TUBA1A: variants seen among roughly 807,000 people sequenced by gnomAD.
The protein encoded by TUBA1A is tubulin alpha 1a, also known as tubulin alpha-1A chain.
TUBA1A carries 7 observed loss-of-function variants against 34.6 expected under a neutral mutation model. The ratio of observed to expected loss-of-function variants is 0.20; its 90% CI spans 0.11 to 0.38. The LOEUF (loss-of-function observed/expected upper bound fraction) is 0.38. Ranked by LOEUF, TUBA1A falls within the 10% of genes least tolerant of loss-of-function variation. TUBA1A has a pLI of 1.00. For synonymous variants in TUBA1A, 193 were observed against 210.2 expected, an observed-to-expected ratio of 0.92 and a Z score of 0.71; for missense variants, 19 against 581.3, an observed-to-expected ratio of 0.03 and a Z score of 9.95.
chr12:49,185,598 C>T lies in TUBA1A; in HGVS notation c.768G>A (p.Gln256=). ...TGCGGGGATAGGGCACCAGGTTGGT[C>T]TGGAATTCTGTCAGGTCAACATTCA... ...GALNVDLTEF[Q]TNLVPYPRIH... Residue 256 remains glutamine, a synonymous_variant, in exon 4 of 4, where the codon CAG becomes CAA. Coordinates refer to ENST00000301071, the MANE Select transcript of TUBA1A (RefSeq NM_006009.4). 2 of 1,614,050 alleles carry T rather than the reference C, an allele frequency of 1.2e-6. No individual in the cohort carries two copies. Among genetic ancestry groups the T allele is most frequent in the Middle Eastern group, 1.6e-4 (1 of 6,062 alleles).
rs1942177515 is a variant in TUBA1A, at chr12:49,186,117, A to T, written c.376-127T>A. On this transcript the variant is annotated intron_variant, in intron 3 of 3. Coordinates refer to ENST00000301071, the MANE Select transcript of TUBA1A (RefSeq NM_006009.4). This position sits in a 1 kb window ranked among gnomAD's most constrained non-coding sequence, Gnocchi z 6.6. ...GATCTTATTTTGACAAATGCTTTTT[A>T]AAAAATTCTCATTAACATTTACAAA... is the stretch of plus-strand genomic sequence containing the variant. 2.0e-6 allele frequency: 3 copies of T among 1,519,576 alleles called. No homozygotes were observed. Among genetic ancestry groups the T allele is most frequent in the Non-Finnish European group, 2.7e-6 (3 of 1,130,602 alleles). The allele number at this position is 1,519,576 out of a possible 1,614,324, so 94.1% of individuals were successfully genotyped here.
Position 49,185,445 on chromosome 12 carries a change from A to G in TUBA1A, c.921T>C (p.Pro307=). The G allele has an allele frequency of 6.2e-7, 1 of 1,613,954 alleles. No individual in the cohort carries two copies. Among genetic ancestry groups the G allele is most frequent in the Non-Finnish European group, 8.5e-7 (1 of 1,179,946 alleles). The part of the protein sequence containing the change: ...EPANQMVKCD[P]RHGKYMACCL... ...AGCAAGCCATGTATTTACCATGGCGAGGGTCACATTTCACCATCTGGTTGG... is the reference window on the plus strand; with the variant it reads ...AGCAAGCCATGTATTTACCATGGCGGGGGTCACATTTCACCATCTGGTTGG... The change falls in exon 4 of 4, where the codon CCT becomes CCC. Residue 307 remains proline, a synonymous_variant. Transcript: ENST00000301071.
At chr12:49,187,058 T>G (rs1373143074) in intron 1 of TUBA1A, 29 of 1,421,548 alleles carry the variant, frequency 2.0e-5, no homozygotes, top group Non-Finnish European at 2.6e-5. Context: ...CAGCACGTGG[T>G]ACCAGCCCAT....
At position 49,188,548 on chromosome 12, in the gene TUBA1A, G is replaced by A; in HGVS notation, c.3+429C>T. 3.3e-6 allele frequency: 5 copies of A among 1,494,560 alleles called. No individual in the cohort carries two copies. The South Asian group carries it at 3.8e-5, about 11-fold the overall frequency. The allele number at this position is 1,494,560 out of a possible 1,614,324, so 92.6% of individuals were successfully genotyped here. On this transcript the variant is annotated intron_variant, in intron 1 of 3. Transcript: ENST00000301071. The surrounding 1 kb of genome is among the most constrained non-coding windows in gnomAD (Gnocchi z 4.9). ...GTCCCCCAGCTCGCCCAACGCCCCC[G>A]CTCTTTTTGGGTGCCTCCTCCTCTC...
rs1942211953 is a variant in TUBA1A at position 49,188,522 on chromosome 12, CGTCCCCCAG to C, written c.3+446_3+454del. On this transcript the variant is annotated intron_variant, in intron 1 of 3. Transcript: ENST00000301071. The surrounding 1 kb of genome is among the most constrained non-coding windows in gnomAD (Gnocchi z 4.9). ...CGCTTTGTTCCCGTTCCCCCTCCCA[CGTCCCCCAG>C]CTCGCCCAACGCCCCCGCTCTTTTT... 1 of 1,514,206 alleles carries C rather than the reference CGTCCCCCAG, an allele frequency of 6.6e-7. No individual in the cohort carries two copies. Among genetic ancestry groups the C allele is most frequent in the Non-Finnish European group, 8.8e-7 (1 of 1,132,150 alleles). The allele number at this position is 1,514,206 out of a possible 1,614,324, so 93.8% of individuals were successfully genotyped here.
chr12:49,185,547 G>A lies in TUBA1A; in HGVS notation c.819C>T (p.Ala273=), dbSNP rs140795162. Residue 273 remains alanine, a synonymous_variant, in exon 4 of 4, where the codon GCC becomes GCT. Coordinates refer to ENST00000301071, the MANE Select transcript of TUBA1A (RefSeq NM_006009.4). ...PRIHFPLATY[A]PVISAEKAYH... is the part of the protein sequence containing the mutation. ...AGGCTTTCTCAGCAGAGATGACAGG[G>A]GCATATGTGGCCAGAGGGAAGTGGA... is the stretch of plus-strand genomic sequence containing the variant. The A allele has an allele frequency of 5.6e-6, 9 of 1,613,882 alleles. No homozygotes were observed. In the African/African-American group the frequency reaches 1.2e-4, roughly 22 times the overall value.
rs144574983 is a variant in TUBA1A at position 49,185,322 on chromosome 12, G to A, written c.1044C>T (p.Pro348=). The A allele has an allele frequency of 1.4e-4, 230 of 1,614,198 alleles. No homozygotes were observed. The African/African-American group carries it at 2.6e-3, about 18-fold the overall frequency. The change falls in exon 4 of 4, where the codon CCC becomes CCT. Residue 348 remains proline (P), a synonymous_variant. Coordinates refer to ENST00000301071, the MANE Select transcript of TUBA1A (RefSeq NM_006009.4). The stretch of plus-strand genomic sequence containing the variant: ...AGTTGATGCCAACCTTGAAGCCAGT[G>A]GGGCACCAATCCACAAACTGGATGG... ...KRTIQFVDWC[P]TGFKVGINYQ...
intron 1 of TUBA1A, chr12:49,187,451 C>T (rs1305330964): frequency 1.0e-6 from 1 of 987,506 alleles, no homozygotes; most frequent in African/African-American, 1.7e-5. Context: ...CCTACATGAT[C>T]TCATTGTGCT....
Position 49,188,513 on chromosome 12 carries a change from C to T in TUBA1A, c.3+464G>A. The T allele has an allele frequency of 1.3e-6, 2 of 1,518,234 alleles. No individual in the cohort carries two copies. Among genetic ancestry groups the T allele is most frequent in the Admixed American group, 2.0e-5 (1 of 49,636 alleles). The allele number at this position is 1,518,234 out of a possible 1,614,324, so 94.0% of individuals were successfully genotyped here. ...CCTAGGCTGCGCTTTGTTCCCGTTCCCCCTCCCACGTCCCCCAGCTCGCCC... is the reference window on the plus strand; with the variant it reads ...CCTAGGCTGCGCTTTGTTCCCGTTCTCCCTCCCACGTCCCCCAGCTCGCCC... On this transcript the variant is annotated intron_variant, in intron 1 of 3. Coordinates refer to ENST00000301071, the MANE Select transcript of TUBA1A (RefSeq NM_006009.4). The surrounding 1 kb of genome is among the most constrained non-coding windows in gnomAD (Gnocchi z 4.9).
chr12:49,189,001 G>T lies in TUBA1A; in HGVS notation c.-22C>A, dbSNP rs770196685. ...CCATGGTTGCTGCTTCGCGACTGCCGAGCTGATGGCGGAGACGAAGAGGAG... is the reference window on the plus strand; with the variant it reads ...CCATGGTTGCTGCTTCGCGACTGCCTAGCTGATGGCGGAGACGAAGAGGAG... On this transcript the variant is annotated 5_prime_UTR_variant, in exon 1 of 4. Transcript: ENST00000301071. 1 of 1,614,194 alleles carries T rather than the reference G, an allele frequency of 6.2e-7. No individual in the cohort carries two copies. The highest frequency in any genetic ancestry group is 8.5e-7 in the Non-Finnish European group (1 of 1,180,022).
chr12:49,188,130 A>T lies in TUBA1A; in HGVS notation c.3+847T>A. 1.0e-6 allele frequency: 1 copy of T among 983,758 alleles called. No homozygotes were observed. The highest frequency in any genetic ancestry group is 1.2e-6 in the Non-Finnish European group (1 of 829,700). The allele number at this position is 983,758 out of a possible 1,614,324, so 60.9% of individuals were successfully genotyped here. A position where few individuals can be genotyped will look rare whatever the true frequency, so the allele number is the denominator to read the frequency against. On this transcript the variant is annotated intron_variant, in intron 1 of 3. Coordinates refer to ENST00000301071, the MANE Select transcript of TUBA1A (RefSeq NM_006009.4). The surrounding 1 kb of genome is among the most constrained non-coding windows in gnomAD (Gnocchi z 4.9). ...CACACACACTTCAGTCGGTCAGGGCAGGGCGTCCCCAGACCAGACATTAAA... is the reference window on the plus strand; with the variant it reads ...CACACACACTTCAGTCGGTCAGGGCTGGGCGTCCCCAGACCAGACATTAAA...
In TUBA1A at chr12:49,188,023, GAC is replaced by G. The variant is rs58704368; in HGVS notation, c.3+952_3+953del. 0.031 allele frequency: 21,342 copies of G among 699,456 alleles called. 29 individuals are homozygous for G. Among genetic ancestry groups the G allele is most frequent in the Non-Finnish European group, 0.034 (19,748 of 582,980 alleles). 43.3% of individuals were successfully genotyped at this position (699,456 alleles called of 1,614,324 possible). A position where few individuals can be genotyped will look rare whatever the true frequency, so the allele number is the denominator to read the frequency against. On this transcript the variant is annotated intron_variant, in intron 1 of 3. Transcript: ENST00000301071. The surrounding 1 kb of genome is among the most constrained non-coding windows in gnomAD (Gnocchi z 4.9). ...AACGTGCAGTCCAGACAGACAGACA[GAC>G]ACACACACACACACACACACACTTC...
chr12:49,188,440 G>T lies in TUBA1A; in HGVS notation c.3+537C>A. 6.5e-7 allele frequency: 1 copy of T among 1,535,848 alleles called. No homozygotes were observed. Among genetic ancestry groups the T allele is most frequent in the Non-Finnish European group, 8.7e-7 (1 of 1,146,760 alleles). ...ACCATGTTTTCCCGGGAATGTGTGG[G>T]TATCTTTCCAAAACGCCAAAGACCG... On this transcript the variant is annotated intron_variant, in intron 1 of 3. Transcript: ENST00000301071. This position sits in a 1 kb window ranked among gnomAD's most constrained non-coding sequence, Gnocchi z 4.9.
In TUBA1A at chr12:49,188,065, G is replaced by A; in HGVS notation, c.3+912C>T. ...ACACACACTTCAGTCGGTCAGGGCA[G>A]GGCGTCCCACAGACACACACACACA... is the stretch of plus-strand genomic sequence containing the variant. On this transcript the variant is annotated intron_variant, in intron 1 of 3. Transcript: ENST00000301071. This position sits in a 1 kb window ranked among gnomAD's most constrained non-coding sequence, Gnocchi z 4.9. 1.1e-6 allele frequency: 1 copy of A among 933,376 alleles called. No individual in the cohort carries two copies. The allele number at this position is 933,376 out of a possible 1,614,324, so 57.8% of individuals were successfully genotyped here.
At chr12:49,187,087 TGAATA>T in intron 1 of TUBA1A, 1 of 1,362,476 alleles carries the variant, frequency 7.3e-7, no homozygotes, top group Non-Finnish European at 9.4e-7. Context: ...CTACCATGCT[TGAATA>T]GAAGATTTTT....
chr12:49,186,859 C>T lies in TUBA1A; in HGVS notation c.4-26G>A, dbSNP rs1239216328. On this transcript the variant is annotated intron_variant, in intron 1 of 3. Transcript: ENST00000301071. This position sits in a 1 kb window ranked among gnomAD's most constrained non-coding sequence, Gnocchi z 6.6. ...CTGTGGGGAGGAAAAGTGAAAAAAT[C>T]GTAAAATTAAGGTGTATTAGCATTT... 7 of 1,613,866 alleles carry T rather than the reference C, an allele frequency of 4.3e-6. No individual in the cohort carries two copies. The highest frequency in any genetic ancestry group is 2.2e-5 in the East Asian group (1 of 44,882).
Position 49,188,188 on chromosome 12 carries a change from G to T in TUBA1A, c.3+789C>A, listed in dbSNP as rs1226464387. The T allele has an allele frequency of 1.1e-6, 1 of 932,514 alleles. No homozygotes were observed. The highest frequency in any genetic ancestry group is 1.2e-4 in the East Asian group (1 of 8,472). 57.8% of individuals were successfully genotyped at this position (932,514 alleles called of 1,614,324 possible). A position where few individuals can be genotyped will look rare whatever the true frequency, so the allele number is the denominator to read the frequency against. On this transcript the variant is annotated intron_variant, in intron 1 of 3. Transcript: ENST00000301071. This position sits in a 1 kb window ranked among gnomAD's most constrained non-coding sequence, Gnocchi z 4.9. ...TGAAGTGAATTATGATTTTGCTCAA[G>T]AAAAAAAAAAGTCATCTAACTTATA...
chr12:49,184,973 T>C lies in TUBA1A; in HGVS notation c.*37A>G, dbSNP rs1490758927. 1 of 1,613,880 alleles carries C rather than the reference T, an allele frequency of 6.2e-7. No individual in the cohort carries two copies. The highest frequency in any genetic ancestry group is 1.3e-5 in the African/African-American group (1 of 74,918). ...TTTCAATGTTTAAAACAGAATAAGCTTCCCTGTAAAAGCAGCACCTTTGTG... is the reference window on the plus strand; with the variant it reads ...TTTCAATGTTTAAAACAGAATAAGCCTCCCTGTAAAAGCAGCACCTTTGTG... On this transcript the variant is annotated 3_prime_UTR_variant, in exon 4 of 4. Transcript: ENST00000301071.
chr12:49,188,855 A>G lies in TUBA1A; in HGVS notation c.3+122T>C. The G allele has an allele frequency of 5.0e-6, 8 of 1,610,006 alleles. No homozygotes were observed. Among genetic ancestry groups the G allele is most frequent in the Non-Finnish European group, 5.1e-6 (6 of 1,179,818 alleles). ...GATTTGGGGCTAAGCTAAACCTCAC[A>G]AAACATACCACCACCCTCGCCCAGA... On this transcript the variant is annotated intron_variant, in intron 1 of 3. Coordinates refer to ENST00000301071, the MANE Select transcript of TUBA1A (RefSeq NM_006009.4). This position sits in a 1 kb window ranked among gnomAD's most constrained non-coding sequence, Gnocchi z 4.9.
Sources: allele counts gnomAD v4.1 joint callset, GRCh38; gene constraint gnomAD v4.1.1; non-coding constraint Gnocchi (gnomAD v3.1); transcripts MANE v1.5; gene names NCBI Gene and HGNC (gene_info 2026-07-23, HGNC 2026-07-21).